RPL6: variants seen among roughly 807,000 people sequenced by gnomAD.
The protein encoded by RPL6 is ribosomal protein L6, also known as large ribosomal subunit protein eL6.
In RPL6, 1 loss-of-function variant was observed where a neutral mutation model predicts 32.1. The observed-to-expected ratio is 0.03, with a 90% CI of 0.01 to 0.15. The LOEUF (loss-of-function observed/expected upper bound fraction) is 0.15, where lower values mean the gene tolerates loss of function less well. Ranked by LOEUF, RPL6 falls within the 10% of genes least tolerant of loss-of-function variation. The pLI is 1.00. For synonymous variants in RPL6, 126 were observed against 131.6 expected, an observed-to-expected ratio of 0.96 and a Z score of 0.29; for missense variants, 275 against 354.6, an observed-to-expected ratio of 0.78 and a Z score of 1.80.
intron 4 of RPL6, 58 bp downstream of exon 4, chr12:112,406,689 T>A: frequency 6.2e-7 from 1 of 1,601,746 alleles, no homozygotes; most frequent in Non-Finnish European, 8.5e-7. Flanking sequence ...TGCAAACGCA[T>A]TGCCACCAGG....
chr12:112,408,628 T>C lies in RPL6; in HGVS notation c.29A>G (p.Asp10Gly), dbSNP rs2037258300. 1 of 1,566,274 alleles carries C rather than the reference T, an allele frequency of 6.4e-7. No homozygotes were observed. The highest frequency in any genetic ancestry group is 8.6e-7 in the Non-Finnish European group (1 of 1,168,740). Residue 10 changes from aspartate (D) to glycine (G), a missense_variant, in exon 2 of 7, where the codon GAT (aspartate) becomes GGT (glycine). Asp to Gly is a moderately conservative substitution (Grantham distance 94). Transcript: ENST00000202773. MAGEKVEKP[D>G]TKEKKPEAKK... is the part of the protein sequence containing the mutation. ...GGCTTCGGGTTTCTTCTCTTTAGTA[T>C]CTGGCTTCTCAACTTTTTCACCCGC...
intron 3 of RPL6, chr12:112,407,377 C>T (rs2037203241): frequency 6.4e-6 from 1 of 156,452 alleles, no homozygotes; most frequent in Non-Finnish European, 1.4e-5. Context: ...AGAAGTTAGA[C>T]ACCATGCAAG....
chr12:112,416,387 C>A (rs1183766403), intron 1 of RPL6, among the ~76,000 whole-genome samples: 1 of 152,104 alleles, frequency 6.6e-6, no homozygotes, highest in Non-Finnish European at 1.5e-5. Flanking sequence ...GATCCGCCCG[C>A]CTCAGCCTCC....
chr12:112,408,771 C>T lies in RPL6; in HGVS notation c.1-115G>A, dbSNP rs374310609. On this transcript the variant is annotated intron_variant, in intron 1 of 6. Transcript: ENST00000202773. The stretch of plus-strand genomic sequence containing the variant: ...GCTCCCCAGACTACAATCCCTCCCC[C>T]GGTAAGATACAGGCCTTCCTCTCAA... The T allele has an allele frequency of 1.1e-5, 9 of 845,464 alleles. No individual in the cohort carries two copies. In the East Asian group the frequency reaches 1.7e-4, roughly 16 times the overall value. The allele number at this position is 845,464 out of a possible 1,614,324, so 52.4% of individuals were successfully genotyped here.
At chr12:112,408,209 G>A in intron 3 of RPL6, 31 bp downstream of exon 3, 2 of 1,534,218 alleles carry the variant, frequency 1.3e-6, no homozygotes, top group Non-Finnish European at 1.8e-6. Flanking sequence ...AGCATAAACA[G>A]AAAATCCAAT....
intron 1 of RPL6, among the ~76,000 whole-genome samples, chr12:112,415,953 G>C (rs2037401850): frequency 7.3e-6 from 1 of 136,180 alleles, no homozygotes; most frequent in South Asian, 2.3e-4. Flanking sequence ...GACTAGTTTT[G>C]CAGTTTTTTT....
At position 112,405,190 on chromosome 12, in the gene RPL6, T is replaced by C; in HGVS notation, c.*34A>G. The C allele has an allele frequency of 6.5e-7, 1 of 1,547,394 alleles. No individual in the cohort carries two copies. The highest frequency in any genetic ancestry group is 2.3e-5 in the East Asian group (1 of 43,970). On this transcript the variant is annotated 3_prime_UTR_variant, in exon 7 of 7. Transcript: ENST00000202773. ...AAAAATTAAAAAAAGAGACACAAAATGTAGTCAGCTATTTAATTAGGTTCT... is the reference window on the plus strand; with the variant it reads ...AAAAATTAAAAAAAGAGACACAAAACGTAGTCAGCTATTTAATTAGGTTCT...
upstream of RPL6, chr12:112,410,284 A>T: frequency 3.8e-6 from 1 of 266,614 alleles, no homozygotes; most frequent in Non-Finnish European, 7.5e-6. Context: ...TAATCTTGTC[A>T]CTTGAGATTA....
intron 3 of RPL6, 137 bp downstream of exon 3, chr12:112,408,103 G>A: frequency 1.5e-6 from 1 of 652,436 alleles, no homozygotes; most frequent in South Asian, 2.0e-5. Flanking sequence ...TTGAAGCCAA[G>A]TTACAAACCC....
At chr12:112,412,712 G>A (rs2037355567), upstream of RPL6, among the ~76,000 whole-genome samples, 1 of 151,898 alleles carries the variant, frequency 6.6e-6, no homozygotes, top group Non-Finnish European at 1.5e-5. Context: ...TGTTTGTTAG[G>A]CAGTAAATCT....
intron 6 of RPL6, 103 bp downstream of exon 6, chr12:112,405,750 A>G: frequency 1.0e-6 from 1 of 956,056 alleles, no homozygotes; most frequent in Non-Finnish European, 1.6e-6. Context: ...AGCATTCCTC[A>G]TTATTTAACC....
At chr12:112,413,142 T>C (rs1467178017), upstream of RPL6, among the ~76,000 whole-genome samples, 2 of 152,172 alleles carry the variant, frequency 1.3e-5, no homozygotes, top group Non-Finnish European at 2.9e-5. Context: ...ATTTAGTTTG[T>C]TGCAAGGAAC....
At chr12:112,416,479 T>C (rs974385423) in intron 1 of RPL6, among the ~76,000 whole-genome samples, 1 of 152,048 alleles carries the variant, frequency 6.6e-6, no homozygotes, top group Non-Finnish European at 1.5e-5. Flanking sequence ...TTTGACCATG[T>C]TGGCCAGGCT....
intron 1 of RPL6, among the ~76,000 whole-genome samples, chr12:112,417,981 A>AATT (rs199659493): frequency 6.7e-6 from 1 of 148,402 alleles, no homozygotes; most frequent in Non-Finnish European, 1.5e-5. Context: ...TATTTATTGT[A>AATT]ATTATTATTA....
chr12:112,415,585 G>A (rs528201352), intron 1 of RPL6, among the ~76,000 whole-genome samples: 12 of 152,044 alleles, frequency 7.9e-5, no homozygotes, highest in Non-Finnish European at 1.5e-4. Context: ...GCATGGTTGT[G>A]CGTGCCTGTA....
intron 4 of RPL6, 71 bp from the exon 5 acceptor site, chr12:112,406,413 G>C: frequency 7.2e-7 from 1 of 1,388,102 alleles, no homozygotes; most frequent in East Asian, 2.3e-5. Flanking sequence ...AAAATCACAG[G>C]CATCTAAATT....
chr12:112,408,664 T>C lies in RPL6; in HGVS notation c.1-8A>G, dbSNP rs1594109154. 2 of 1,560,962 alleles carry C rather than the reference T, an allele frequency of 1.3e-6. No individual in the cohort carries two copies. Among genetic ancestry groups the C allele is most frequent in the Non-Finnish European group, 1.7e-6 (2 of 1,166,328 alleles). ...AACTTTTTCACCCGCCATCTAAAAA[T>C]ATTTTTTTGTAGATAAAAAAAGGCA... On this transcript the variant is annotated splice_region_variant and splice_polypyrimidine_tract_variant and intron_variant, in intron 1 of 6. Transcript: ENST00000202773.
At position 112,408,078 on chromosome 12, in the gene RPL6, G is replaced by A. The variant is rs1044569493; in HGVS notation, c.336+162C>T. 2.0e-5 allele frequency: 12 copies of A among 614,880 alleles called. No homozygotes were observed. In the Admixed American group the frequency reaches 3.6e-4, roughly 18 times the overall value. 38.1% of individuals were successfully genotyped at this position (614,880 alleles called of 1,614,324 possible). A position where few individuals can be genotyped will look rare whatever the true frequency, so the allele number is the denominator to read the frequency against. Reference sequence around the variant, plus strand: ...CAGACGAGTAATTTAAATTACTTAAGATTAACAGTAAATGTTGAAGCCAAG... The same window carrying A: ...CAGACGAGTAATTTAAATTACTTAAAATTAACAGTAAATGTTGAAGCCAAG... On this transcript the variant is annotated intron_variant, in intron 3 of 6. Coordinates refer to ENST00000202773, the MANE Select transcript of RPL6 (RefSeq NM_000970.6).
At chr12:112,406,472 G>A (rs955291174) in intron 4 of RPL6, 130 bp from the exon 5 acceptor site, 7 of 863,430 alleles carry the variant, frequency 8.1e-6, no homozygotes, top group Non-Finnish European at 1.3e-5. Context: ...CGGCAGTTCT[G>A]GAAGCAACCA....
Sources: allele counts gnomAD v4.1 joint callset (sites outside exome capture counted in the v4.1 genomes callset), GRCh38; gene constraint gnomAD v4.1.1; transcripts MANE v1.5; gene names NCBI Gene and HGNC (gene_info 2026-07-23, HGNC 2026-07-21).